Variants in RAD54L2 observed in about 807,000 individuals in gnomAD.
RAD54L2 encodes the protein RAD54 like 2, also known as helicase ARIP4.
Under a neutral mutation model 138.4 loss-of-function variants are expected in RAD54L2, and 27 were observed. The ratio of observed to expected loss-of-function variants is 0.20; its 90% CI spans 0.14 to 0.27. The LOEUF (loss-of-function observed/expected upper bound fraction) is 0.27. Among genes scored for constraint, RAD54L2 ranks in the 10% least tolerant of loss-of-function variants. RAD54L2 has a pLI of 1.00. For synonymous variants in RAD54L2, 644 were observed against 723.2 expected (o/e 0.89, Z 1.76); for missense variants, 1,396 against 1,890.2 (o/e 0.74, Z 4.85).
intron 2 of RAD54L2, among the ~76,000 whole-genome samples, chr3:51,555,992 A>G (rs976295189): frequency 6.6e-6 from 1 of 152,092 alleles, no homozygotes; most frequent in Non-Finnish European, 1.5e-5. Context: ...GGTGGTCTTC[A>G]TTGTTTTTTC....
At chr3:51,651,846 C>T (rs1390534204) in intron 19 of RAD54L2, among the ~76,000 whole-genome samples, 2 of 152,094 alleles carry the variant, frequency 1.3e-5, no homozygotes, top group African/African-American at 4.8e-5. Context: ...AATGGGCAAA[C>T]ACTGGAAGCC....
In RAD54L2 at chr3:51,566,466, G is replaced by GTTTTTTTTT; in HGVS notation, c.-54-23879_-54-23871dup. Among the ~76,000 whole-genome samples the GTTTTTTTTT allele has an allele frequency of 2.5e-4, 8 of 31,534 alleles. 3 individuals are homozygous for GTTTTTTTTT. Among genetic ancestry groups the GTTTTTTTTT allele is most frequent in the African/African-American group, 1.3e-3 (8 of 6,306 alleles). 20.7% of individuals were successfully genotyped at this position (31,534 alleles called of 152,430 possible). ...TGAATTTTATCACAGCCTTTTCTGC[G>GTTTTTTTTT]TTTTTTTTTTTTTTTTTTTTTTTTT... is the stretch of plus-strand genomic sequence containing the variant. On this transcript the variant is annotated intron_variant, in intron 2 of 22. Transcript: ENST00000684192.
chr3:51,661,454 C>T (rs945114001), intron 22 of RAD54L2, among the ~76,000 whole-genome samples: 2 of 152,162 alleles, frequency 1.3e-5, no homozygotes, highest in African/African-American at 4.8e-5. Flanking sequence ...TATTTTACTC[C>T]ACCATCACTG....
chr3:51,660,413 G>A (rs1185335870), intron 22 of RAD54L2, among the ~76,000 whole-genome samples: 18 of 148,300 alleles, frequency 1.2e-4, no homozygotes, highest in East Asian at 2.1e-4. Flanking sequence ...GGTTCATGCC[G>A]TTCTCCTGCC....
chr3:51,567,907 G>T (rs552780274), intron 2 of RAD54L2, among the ~76,000 whole-genome samples: 1 of 146,888 alleles, frequency 6.8e-6, no homozygotes, highest in Non-Finnish European at 1.5e-5. Context: ...GTGCCACTGC[G>T]CTTGAGCCTG....
chr3:51,565,309 T>A (rs960680100), intron 2 of RAD54L2, among the ~76,000 whole-genome samples: 1 of 151,992 alleles, frequency 6.6e-6, no homozygotes, highest in Non-Finnish European at 1.5e-5. Flanking sequence ...GATGGAAGAA[T>A]CGCTTGAGCC....
intron 2 of RAD54L2, among the ~76,000 whole-genome samples, chr3:51,577,533 A>G (rs1021147536): frequency 6.6e-6 from 1 of 152,122 alleles, no homozygotes; most frequent in African/African-American, 2.4e-5. Context: ...GTGCTCCTGT[A>G]TTGGGTGGAT....
intron 7 of RAD54L2, among the ~76,000 whole-genome samples, chr3:51,632,308 T>A (rs1700865873): frequency 6.6e-6 from 1 of 152,166 alleles, no homozygotes; most frequent in Admixed American, 6.5e-5. Context: ...TTGTTGTTGT[T>A]GTTGAGACGA....
chr3:51,549,594 G>A (rs1263305586), intron 2 of RAD54L2, among the ~76,000 whole-genome samples: 5 of 151,860 alleles, frequency 3.3e-5, no homozygotes, highest in Admixed American at 3.3e-4. Flanking sequence ...CCTGGCCAAC[G>A]TGGTGAAACC....
At position 51,635,645 on chromosome 3, in the gene RAD54L2, G is replaced by T. The variant is rs776152286; in HGVS notation, c.1195G>T (p.Val399Leu). 6.2e-7 allele frequency: 1 copy of T among 1,613,428 alleles called. No individual in the cohort carries two copies. Among genetic ancestry groups the T allele is most frequent in the Non-Finnish European group, 8.5e-7 (1 of 1,179,692 alleles). The part of the protein sequence containing the change: ...VMADWVSEGG[V>L]LLMGYEMYRL... ...GGCTGATTGGGTGTCAGAGGGTGGCGTGCTGCTGATGGGGTACGAGATGTA... is the reference window on the plus strand; with the variant it reads ...GGCTGATTGGGTGTCAGAGGGTGGCTTGCTGCTGATGGGGTACGAGATGTA... Residue 399 changes from valine to leucine, a missense_variant, in exon 10 of 23, where the codon GTG becomes TTG. Around this residue, in one of 7 missense-constraint regions of RAD54L2, gnomAD observed 169 missense variants for 235.6 expected, o/e 0.72. Transcript: ENST00000684192.
In RAD54L2 at chr3:51,643,128, C is replaced by T. The variant is rs576834307; in HGVS notation, c.2351-747C>T. On this transcript the variant is annotated intron_variant, in intron 15 of 22. Coordinates refer to ENST00000684192, the MANE Select transcript of RAD54L2 (RefSeq NM_015106.4). ...TGGCTGAACTGCAGCCTCCGTCTCC[C>T]AGGTTCAAGTGATTCTCCTGCCTCA... 8.4e-4 allele frequency among the ~76,000 whole-genome samples: 127 copies of T among 151,580 alleles called. 3 individuals are homozygous for T. In the South Asian group the frequency reaches 0.026, roughly 30 times the overall value.
chr3:51,573,449 A>AT (rs113639116), intron 2 of RAD54L2, among the ~76,000 whole-genome samples: 6,837 of 146,800 alleles, frequency 0.047, 496 homozygotes, highest in African/African-American at 0.15. Flanking sequence ...AAATCTATCT[A>AT]TTTTTTTTTT....
intron 2 of RAD54L2, among the ~76,000 whole-genome samples, chr3:51,589,226 C>T (rs1203772912): frequency 6.6e-6 from 1 of 152,122 alleles, no homozygotes. Flanking sequence ...CTTAAAGGTG[C>T]TCAGAACACT....
rs546802065 is a variant in RAD54L2, at chr3:51,662,943, C to A, written c.3927C>A (p.Phe1309Leu). 6.2e-7 allele frequency: 1 copy of A among 1,613,976 alleles called. No homozygotes were observed. Among genetic ancestry groups the A allele is most frequent in the Non-Finnish European group, 8.5e-7 (1 of 1,179,866 alleles). Residue 1309 changes from phenylalanine (F) to leucine (L), a missense_variant, in exon 23 of 23, where the codon TTC becomes TTA. By Grantham distance (22) the Phe-to-Leu change is conservative. Coordinates refer to ENST00000684192, the MANE Select transcript of RAD54L2 (RefSeq NM_015106.4). The surrounding 1 kb of genome is among the most constrained non-coding windows in gnomAD (Gnocchi z 4.6). ...TAAACCATAACCTCACCACCCCCTT[C>A]ACCTCCCAGGCTGGGGAGAACTCCC... ...VSLNHNLTTP[F>L]TSQAGENSLF... is the part of the protein sequence containing the mutation.
At chr3:51,639,815 A>G (rs902946429) in intron 13 of RAD54L2, 66 bp from the exon 14 acceptor site, 6 of 1,486,634 alleles carry the variant, frequency 4.0e-6, no homozygotes, top group Non-Finnish European at 5.5e-6. Context: ...CCTTGGAAGG[A>G]AATAATTTTA....
intron 3 of RAD54L2, among the ~76,000 whole-genome samples, chr3:51,602,327 A>C (rs1258667648): frequency 6.6e-6 from 1 of 152,198 alleles, no homozygotes; most frequent in Non-Finnish European, 1.5e-5. Context: ...AAAACTGAGA[A>C]TAGAACTTAG....
chr3:51,650,240 G>A (rs549015591), intron 19 of RAD54L2, among the ~76,000 whole-genome samples: 22 of 152,234 alleles, frequency 1.4e-4, no homozygotes, highest in African/African-American at 5.1e-4. Context: ...AGCTAACTAT[G>A]CTAAATATAT....
intron 3 of RAD54L2, among the ~76,000 whole-genome samples, chr3:51,591,992 A>T (rs188697129): frequency 2.6e-4 from 39 of 151,788 alleles, no homozygotes; most frequent in Non-Finnish European, 4.7e-4. Context: ...TTTATTTAGA[A>T]ATGACAAGAA....
At chr3:51,623,820 A>C (rs1207644065) in intron 3 of RAD54L2, among the ~76,000 whole-genome samples, 2 of 151,484 alleles carry the variant, frequency 1.3e-5, no homozygotes, top group Non-Finnish European at 2.9e-5. Flanking sequence ...CTAAAAATAC[A>C]AAAAAAATTA....
Sources: allele counts gnomAD v4.1 joint callset (sites outside exome capture counted in the v4.1 genomes callset), GRCh38; gene constraint gnomAD v4.1.1; regional missense constraint gnomAD v4.1.1; non-coding constraint Gnocchi (gnomAD v3.1); transcripts MANE v1.5; gene names NCBI Gene and HGNC (gene_info 2026-07-23, HGNC 2026-07-21).